MROH9: variants seen among roughly 807,000 people sequenced by gnomAD.
MROH9 encodes the protein maestro heat like repeat family member 9, also known as maestro heat-like repeat-containing protein family member 9.
Under a neutral mutation model 98.2 loss-of-function variants are expected in MROH9, and 92 were observed. That is an observed-to-expected ratio of 0.94 (90% CI 0.79 to 1.11). The LOEUF (loss-of-function observed/expected upper bound fraction) is 1.11, where lower values mean the gene tolerates loss of function less well. Ranked by LOEUF, MROH9 falls within the 50% of genes most tolerant of loss-of-function variation. The probability of loss-of-function intolerance (pLI) is 0.00; values close to 1 mark genes in which losing one functional copy is unlikely to be tolerated. For synonymous variants in MROH9, 397 were observed against 368.9 expected (o/e 1.08, Z -0.87); for missense variants, 1,057 against 1,014.8 (o/e 1.04, Z -0.57).
At chr1:171,031,315 TC>T (rs770204658) in intron 20 of MROH9, among the ~76,000 whole-genome samples, 3 of 152,210 alleles carry the variant, frequency 2.0e-5, no homozygotes, top group Non-Finnish European at 4.4e-5. Flanking sequence ...GTGAATTTGA[TC>T]CTGTCATCAT....
At position 171,024,649 on chromosome 1, in the gene MROH9, G is replaced by A. The variant is rs1429738704; in HGVS notation, c.2062G>A (p.Ala688Thr). 6.5e-7 allele frequency: 1 copy of A among 1,546,306 alleles called. No homozygotes were observed. The highest frequency in any genetic ancestry group is 8.7e-7 in the Non-Finnish European group (1 of 1,142,928). ...TCACCGGCCTTTTTCTGTCTCACAG[G>A]CATGTAAATATACATTAAAAATCTG... is the stretch of plus-strand genomic sequence containing the variant. ...LEDDDKRVAE[A>T]CKYTLKICTS... Residue 688 changes from alanine to threonine, a missense_variant and splice_region_variant, in exon 19 of 22, where the codon GCA becomes ACA. Physicochemically the swap from Ala to Thr is moderately conservative, Grantham distance 58. Coordinates refer to ENST00000367759, the MANE Select transcript of MROH9 (RefSeq NM_001163629.2).
At chr1:171,052,445 C>T (rs1048188828) in intron 20 of MROH9, among the ~76,000 whole-genome samples, 1 of 152,128 alleles carries the variant, frequency 6.6e-6, no homozygotes, top group African/African-American at 2.4e-5. Context: ...CCTAAGTTCT[C>T]TCCATGGGAA....
intron 17 of MROH9, among the ~76,000 whole-genome samples, chr1:171,021,376 T>C (rs893118388): frequency 1.3e-5 from 2 of 151,854 alleles, no homozygotes; most frequent in Non-Finnish European, 2.9e-5. Flanking sequence ...AAGGCTACAG[T>C]ATCCAAAACA....
At chr1:171,062,075 G>C in intron 20 of MROH9, 57 bp from the exon 21 acceptor site, 5 of 1,139,830 alleles carry the variant, frequency 4.4e-6, no homozygotes, top group Non-Finnish European at 6.4e-6. Context: ...GATAACATCA[G>C]AAAATGTATT....
At position 170,959,299 on chromosome 1, in the gene MROH9, C is replaced by T. The variant is rs951430374; in HGVS notation, c.153-163C>T. ...CTGAGGCAGGAGAATGGTGTGAACC[C>T]GGGAGGTGGAGCTTGCAGTGAGCCG... On this transcript the variant is annotated intron_variant, in intron 4 of 21. Coordinates refer to ENST00000367759, the MANE Select transcript of MROH9 (RefSeq NM_001163629.2). Among the ~76,000 whole-genome samples, 7 of 152,028 alleles carry T rather than the reference C, an allele frequency of 4.6e-5. 1 individual carries two copies. The highest frequency in any genetic ancestry group is 4.1e-4 in the South Asian group (2 of 4,822).
In MROH9 at chr1:171,021,546, G is replaced by A. The variant is rs191328663; in HGVS notation, c.1909-2849G>A. On this transcript the variant is annotated intron_variant, in intron 17 of 21. Coordinates refer to ENST00000367759, the MANE Select transcript of MROH9 (RefSeq NM_001163629.2). ...ATTTAATAAATGGTCTGGGAAAACT[G>A]GCTAGCCACATGCAGAAAACCGAAA... Among the ~76,000 whole-genome samples the A allele has an allele frequency of 2.6e-5, 4 of 152,206 alleles. No homozygotes were observed. In the East Asian group the frequency reaches 7.7e-4, roughly 29 times the overall value.
intron 20 of MROH9, among the ~76,000 whole-genome samples, chr1:171,047,707 T>C (rs1444512152): frequency 6.6e-6 from 1 of 152,212 alleles, no homozygotes; most frequent in African/African-American, 2.4e-5. Context: ...CTGAATGGTG[T>C]TGATGATAGC....
At chr1:171,038,857 G>T (rs1653196394) in intron 20 of MROH9, among the ~76,000 whole-genome samples, 1 of 152,048 alleles carries the variant, frequency 6.6e-6, no homozygotes, top group Non-Finnish European at 1.5e-5. Flanking sequence ...TTAACAGCTA[G>T]TAGTATGTCA....
intron 20 of MROH9, among the ~76,000 whole-genome samples, 156 bp from the exon 21 acceptor site, chr1:171,061,975 AT>A (rs1389529108): frequency 6.6e-6 from 1 of 152,172 alleles, no homozygotes; most frequent in Non-Finnish European, 1.5e-5. Flanking sequence ...TCAATAAACA[AT>A]TTTATGAGAC....
intron 15 of MROH9, among the ~76,000 whole-genome samples, chr1:171,010,441 G>A (rs193192928): frequency 9.6e-4 from 146 of 152,100 alleles, no homozygotes; most frequent in Non-Finnish European, 1.6e-3. Context: ...TAATCCTTTG[G>A]GTATATACCT....
At position 170,970,772 on chromosome 1, in the gene MROH9, G is replaced by C. The variant is rs191194538; in HGVS notation, c.481-976G>C. 2.7e-3 allele frequency among the ~76,000 whole-genome samples: 408 copies of C among 151,302 alleles called. 5 individuals are homozygous for C. Among genetic ancestry groups the C allele is most frequent in the African/African-American group, 9.2e-3 (380 of 41,150 alleles). On this transcript the variant is annotated intron_variant, in intron 7 of 21. Coordinates refer to ENST00000367759, the MANE Select transcript of MROH9 (RefSeq NM_001163629.2). ...AGAGAGAGAGAGAGAGAGAGAGACA[G>C]AGTGGGCAGGGAGTGGTGAGTTAAG...
intron 14 of MROH9, among the ~76,000 whole-genome samples, chr1:170,996,934 G>C (rs1043931436): frequency 2.6e-5 from 4 of 151,902 alleles, no homozygotes; most frequent in Non-Finnish European, 4.4e-5. Flanking sequence ...AAGTGAGTTT[G>C]GTTTTTTCCC....
At chr1:171,014,368 T>G in intron 16 of MROH9, 114 bp downstream of exon 16, 3 of 930,090 alleles carry the variant, frequency 3.2e-6, no homozygotes, top group Non-Finnish European at 4.6e-6. Context: ...TCTATATAAC[T>G]AAAACATATC....
At chr1:170,937,059 G>C (rs1417035394) in intron 1 of MROH9, among the ~76,000 whole-genome samples, 5 of 152,198 alleles carry the variant, frequency 3.3e-5, no homozygotes, top group Admixed American at 2.0e-4. Flanking sequence ...TGGGAAAGGA[G>C]GAGAGATAAG....
chr1:171,010,420 A>G (rs1460989349), intron 15 of MROH9, among the ~76,000 whole-genome samples: 1 of 152,246 alleles, frequency 6.6e-6, no homozygotes, highest in Middle Eastern at 3.2e-3. Context: ...TCTTTAGAGT[A>G]GAATGACTTA....
intron 20 of MROH9, among the ~76,000 whole-genome samples, chr1:171,055,675 G>A (rs149580608): frequency 1.6e-3 from 235 of 151,304 alleles, no homozygotes; most frequent in African/African-American, 5.2e-3. Context: ...AGGGGAAAAG[G>A]TGGGAAGGGA....
intron 20 of MROH9, among the ~76,000 whole-genome samples, chr1:171,028,544 T>C (rs1167239432): frequency 6.6e-6 from 1 of 152,198 alleles, no homozygotes; most frequent in African/African-American, 2.4e-5. Context: ...TCCAAAATAG[T>C]TTTTCCTAAT....
chr1:171,014,255 G>T lies in MROH9; in HGVS notation c.1734+1G>T, dbSNP rs1206618989. The T allele has an allele frequency of 1.9e-6, 3 of 1,547,254 alleles. No individual in the cohort carries two copies. In the Admixed American group the frequency reaches 6.0e-5, roughly 31 times the overall value. On this transcript the variant is annotated splice_donor_variant, in intron 16 of 21. Coordinates refer to ENST00000367759, the MANE Select transcript of MROH9 (RefSeq NM_001163629.2). LOFTEE classifies it high-confidence loss of function. ...CCACATGTCACCAATTATCAATAAG[G>T]TATGTGTATGTGATTTGTGTCTGCA...
At chr1:170,965,380 T>C in intron 7 of MROH9, 125 bp downstream of exon 7, 2 of 605,840 alleles carry the variant, frequency 3.3e-6, no homozygotes, top group Non-Finnish European at 5.8e-6. Flanking sequence ...GGTAGGTTGG[T>C]TGGGATATCA....
Sources: allele counts gnomAD v4.1 joint callset (sites outside exome capture counted in the v4.1 genomes callset), GRCh38; gene constraint gnomAD v4.1.1; transcripts MANE v1.5; gene names NCBI Gene and HGNC (gene_info 2026-07-23, HGNC 2026-07-21).